FGGY: variants seen among roughly 807,000 people sequenced by gnomAD.
The protein encoded by FGGY is FGGY carbohydrate kinase domain-containing protein.
Under a neutral mutation model 71.3 loss-of-function variants are expected in FGGY, and 72 were observed. That is an observed-to-expected ratio of 1.01 (90% CI 0.84 to 1.23). The LOEUF is 1.23. FGGY is among the 50% of genes most tolerant of loss of function. The pLI, the probability that FGGY is intolerant of heterozygous loss-of-function variation, is 0.00. For synonymous variants in FGGY, 251 were observed against 250.3 expected, an observed-to-expected ratio of 1.00 and a Z score of -0.02; for missense variants, 668 against 682.3, an observed-to-expected ratio of 0.98 and a Z score of 0.23.
At chr1:59,697,595 A>G (rs2097672680) in intron 14 of FGGY, 1 of 1,050,256 alleles carries the variant, frequency 9.5e-7, no homozygotes, top group Non-Finnish European at 1.3e-6. Context: ...GATTATAACC[A>G]TCGTCGCTGT....
intron 13 of FGGY, among the ~76,000 whole-genome samples, chr1:59,669,540 CTTTTTTTTTTTT>C (rs58004594): frequency 9.8e-6 from 1 of 102,498 alleles, no homozygotes; most frequent in Admixed American, 1.4e-4. Flanking sequence ...TTCTAGACTT[CTTTTTTTTTTTT>C]TTTTTTTTTT....
chr1:59,691,645 T>C (rs918250781), intron 14 of FGGY, among the ~76,000 whole-genome samples: 3 of 151,082 alleles, frequency 2.0e-5, no homozygotes, highest in Non-Finnish European at 4.4e-5. Context: ...TCTTTTCTTT[T>C]TTTTTTTTTT....
intron 4 of FGGY, among the ~76,000 whole-genome samples, chr1:59,351,839 T>G (rs2053366643): frequency 6.6e-6 from 1 of 152,226 alleles, no homozygotes; most frequent in African/African-American, 2.4e-5. Flanking sequence ...TTGCTGTCAT[T>G]TATCTTCTCC....
At chr1:59,362,277 C>T (rs186888318) in intron 4 of FGGY, among the ~76,000 whole-genome samples, 3 of 151,982 alleles carry the variant, frequency 2.0e-5, no homozygotes, top group Admixed American at 1.3e-4. Flanking sequence ...TTTCCATTTG[C>T]TCTGTCCTTT....
At chr1:59,711,614 T>C (rs2097794850) in intron 14 of FGGY, among the ~76,000 whole-genome samples, 1 of 152,178 alleles carries the variant, frequency 6.6e-6, no homozygotes, top group Non-Finnish European at 1.5e-5. Context: ...AGAGGTTCCA[T>C]GTGGCTGGAG....
chr1:59,614,049 A>G (rs1341165442), intron 9 of FGGY, among the ~76,000 whole-genome samples: 1 of 152,240 alleles, frequency 6.6e-6, no homozygotes, highest in Non-Finnish European at 1.5e-5. Flanking sequence ...ACGGATTCAC[A>G]GCCGAATTCT....
intron 1 of FGGY, among the ~76,000 whole-genome samples, chr1:59,298,730 C>A (rs1403326493): frequency 2.6e-5 from 4 of 152,110 alleles, no homozygotes; most frequent in African/African-American, 4.8e-5. Context: ...AGAGTGGAAC[C>A]CCCTACCTCC....
intron 13 of FGGY, among the ~76,000 whole-genome samples, chr1:59,672,053 G>A (rs115666015): frequency 0.015 from 2,341 of 152,246 alleles, 25 homozygotes; most frequent in Middle Eastern, 0.071. Context: ...CTTCAAAAAC[G>A]TCCCAGGTCC....
chr1:59,688,261 G>A (rs564243743), intron 14 of FGGY, among the ~76,000 whole-genome samples: 1 of 152,202 alleles, frequency 6.6e-6, no homozygotes, highest in Non-Finnish European at 1.5e-5. Context: ...TAATAGATAT[G>A]TGATTATTCT....
chr1:59,395,292 A>T (rs1189998854), intron 5 of FGGY, among the ~76,000 whole-genome samples: 1 of 152,048 alleles, frequency 6.6e-6, no homozygotes, highest in Non-Finnish European at 1.5e-5. Flanking sequence ...TTTTCATACC[A>T]TTATATTTTA....
At chr1:59,424,390 T>C (rs2065974927) in intron 5 of FGGY, among the ~76,000 whole-genome samples, 1 of 152,054 alleles carries the variant, frequency 6.6e-6, no homozygotes, top group Non-Finnish European at 1.5e-5. Flanking sequence ...CTATTAAAAA[T>C]ACAAAAATTA....
intron 4 of FGGY, among the ~76,000 whole-genome samples, chr1:59,369,986 A>G (rs1388383415): frequency 1.3e-5 from 2 of 152,214 alleles, no homozygotes; most frequent in Non-Finnish European, 2.9e-5. Flanking sequence ...GAAAAACTGG[A>G]AACTCTAAAA....
chr1:59,675,626 AT>A (rs1454515423), intron 14 of FGGY, among the ~76,000 whole-genome samples: 3 of 152,232 alleles, frequency 2.0e-5, no homozygotes, highest in African/African-American at 7.2e-5. Context: ...TTTCTCAAAA[AT>A]AGCACATGGA....
intron 11 of FGGY, among the ~76,000 whole-genome samples, chr1:59,647,708 C>T (rs868781570): frequency 1.3e-5 from 2 of 150,632 alleles, no homozygotes; most frequent in Admixed American, 6.6e-5. Context: ...CAGAGGCCTC[C>T]GGCATTCCTG....
chr1:59,573,429 T>C (rs1275433450), intron 8 of FGGY, among the ~76,000 whole-genome samples: 2 of 152,046 alleles, frequency 1.3e-5, no homozygotes, highest in African/African-American at 4.8e-5. Context: ...AAAAACTACA[T>C]ACATATACAC....
chr1:59,342,485 A>C (rs2050912094), intron 3 of FGGY, among the ~76,000 whole-genome samples: 1 of 152,188 alleles, frequency 6.6e-6, no homozygotes, highest in South Asian at 2.1e-4. Context: ...AAGTGTTGAA[A>C]TAACTTTATT....
intron 15 of FGGY, among the ~76,000 whole-genome samples, chr1:59,761,045 A>G (rs1480621040): frequency 6.6e-6 from 1 of 152,246 alleles, no homozygotes; most frequent in Non-Finnish European, 1.5e-5. Context: ...ACTAGCATTT[A>G]TATCACTTAT....
Position 59,659,768 on chromosome 1 carries a change from T to C in FGGY, c.1222-451T>C, listed in dbSNP as rs74086288. On this transcript the variant is annotated intron_variant, in intron 11 of 15. Transcript: ENST00000303721. The stretch of plus-strand genomic sequence containing the variant: ...AGGTATAATATTTGTAGGAGACATA[T>C]TATATTACCCTGGATTGGACACTGA... Among the ~76,000 whole-genome samples the C allele has an allele frequency of 2.9e-3, 447 of 152,260 alleles. 1 individual carries two copies. The highest frequency in any genetic ancestry group is 0.01 in the African/African-American group (429 of 41,556).
intron 7 of FGGY, among the ~76,000 whole-genome samples, chr1:59,529,356 A>G (rs1225383981): frequency 1.3e-5 from 2 of 152,240 alleles, no homozygotes; most frequent in Non-Finnish European, 2.9e-5. Context: ...TGACTCCAGC[A>G]GCTTGCTCAA....
Sources: gnomAD v4.1 joint callset for allele counts (sites outside exome capture counted in the v4.1 genomes callset) on GRCh38, gnomAD v4.1.1 for gene constraint, MANE v1.5 for transcripts, NCBI Gene and HGNC (gene_info 2026-07-23, HGNC 2026-07-21) for gene names.